DOCK4: variants seen among roughly 807,000 people sequenced by gnomAD.
The protein encoded by DOCK4 is dedicator of cytokinesis protein 4.
Under a neutral mutation model 268.1 loss-of-function variants are expected in DOCK4, and 97 were observed. The observed-to-expected ratio is 0.36, with a 90% CI of 0.31 to 0.43. The LOEUF (loss-of-function observed/expected upper bound fraction) is 0.43, where lower values mean the gene tolerates loss of function less well. Among genes scored for constraint, DOCK4 ranks in the 20% least tolerant of loss-of-function variants. The probability of loss-of-function intolerance (pLI) is 1.00; values close to 1 mark genes in which losing one functional copy is unlikely to be tolerated. For synonymous variants in DOCK4, 954 were observed against 887.2 expected, an observed-to-expected ratio of 1.08 and a Z score of -1.34; for missense variants, 2,145 against 2,455.7, an observed-to-expected ratio of 0.87 and a Z score of 2.67.
In DOCK4 at chr7:111,872,565, C is replaced by G; in HGVS notation, c.1745-1G>C. ...CATTTCAAAAGATCAAGCATATCAC[C>G]TTTCAAAATAGAAAAGGAAGATTAA... On this transcript the variant is annotated splice_acceptor_variant, in intron 17 of 52. Transcript: ENST00000428084. LOFTEE classifies it high-confidence loss of function. 1 of 1,583,622 alleles carries G rather than the reference C, an allele frequency of 6.3e-7. No individual in the cohort carries two copies. The highest frequency in any genetic ancestry group is 8.6e-7 in the Non-Finnish European group (1 of 1,164,372).
intron 1 of DOCK4, among the ~76,000 whole-genome samples, chr7:112,175,337 T>C (rs1818416521): frequency 6.6e-6 from 1 of 152,202 alleles, no homozygotes. Context: ...TCTCTACCAT[T>C]ATACATGTTT....
At chr7:112,096,111 T>A (rs536456633) in intron 1 of DOCK4, among the ~76,000 whole-genome samples, 2 of 152,046 alleles carry the variant, frequency 1.3e-5, no homozygotes, top group Admixed American at 6.6e-5. Flanking sequence ...AAATAAATAA[T>A]TAAATAGGGT....
At chr7:111,996,439 C>T (rs1253689956) in intron 4 of DOCK4, among the ~76,000 whole-genome samples, 1 of 152,172 alleles carries the variant, frequency 6.6e-6, no homozygotes, top group African/African-American at 2.4e-5. Flanking sequence ...TCCATTATTT[C>T]ATCCTAGTGG....
chr7:111,918,876 T>C (rs948171290), intron 12 of DOCK4, among the ~76,000 whole-genome samples: 1 of 152,186 alleles, frequency 6.6e-6, no homozygotes, highest in Non-Finnish European at 1.5e-5. Context: ...TAAGATCCTG[T>C]AATTTTTGCA....
intron 13 of DOCK4, among the ~76,000 whole-genome samples, chr7:111,908,710 G>A (rs559052638): frequency 5.1e-4 from 76 of 149,130 alleles, no homozygotes; most frequent in Non-Finnish European, 7.9e-4. Context: ...GCCCCCCACC[G>A]CCCCCAGGCC....
rs887212272 is a variant in DOCK4, at chr7:111,728,429, G to T, written c.5773C>A (p.Leu1925Ile). The T allele has an allele frequency of 6.3e-6, 10 of 1,586,364 alleles. No individual in the cohort carries two copies. Among genetic ancestry groups the T allele is most frequent in the Non-Finnish European group, 7.7e-6 (9 of 1,164,694 alleles). The change falls in exon 53 of 53, where the codon CTA becomes ATA. Residue 1925 changes from leucine (L) to isoleucine (I), a missense_variant. This residue lies in a region of DOCK4 where 547 missense variants were observed against 469.0 expected (regional missense o/e 1.17). Coordinates refer to ENST00000428084, the MANE Select transcript of DOCK4 (RefSeq NM_001363540.2). ...ACGGGGATGGAGAGGCTGTGAGGTA[G>T]CGGGACGGGGCGCCGCAGAGTCCGC... is the stretch of plus-strand genomic sequence containing the variant. Reference protein sequence around the residue: ...YERTLRRPVPLPHSLSIPVTS... With the variant: ...YERTLRRPVPIPHSLSIPVTS...
At chr7:112,070,632 A>G (rs1358012927) in intron 1 of DOCK4, among the ~76,000 whole-genome samples, 2 of 152,176 alleles carry the variant, frequency 1.3e-5, no homozygotes, top group East Asian at 3.8e-4. Context: ...TGAAAACTGT[A>G]TTTGAAGCCA....
intron 1 of DOCK4, among the ~76,000 whole-genome samples, chr7:112,158,929 C>G (rs771945080): frequency 6.6e-6 from 1 of 152,138 alleles, no homozygotes; most frequent in Non-Finnish European, 1.5e-5. Flanking sequence ...AGGTAAAGTT[C>G]AGCCCAGCTT....
chr7:111,875,311 G>A (rs1270544925), intron 17 of DOCK4, among the ~76,000 whole-genome samples: 1 of 152,170 alleles, frequency 6.6e-6, no homozygotes, highest in African/African-American at 2.4e-5. Context: ...TTAAAAAGTA[G>A]CAACTTCTAA....
rs111367946 is a variant in DOCK4, at chr7:112,116,540, G to A, written c.37+89562C>T. On this transcript the variant is annotated intron_variant, in intron 1 of 52. Transcript: ENST00000428084. Reference sequence around the variant, plus strand: ...ACAAAGAACATGTGTCACAAGTGGGGAAACCAGAAGAGAAAACCTAAGATT... The same window carrying A: ...ACAAAGAACATGTGTCACAAGTGGGAAAACCAGAAGAGAAAACCTAAGATT... Among the ~76,000 whole-genome samples, 580 of 152,268 alleles carry A rather than the reference G, an allele frequency of 3.8e-3. 6 individuals carry two copies. The highest frequency in any genetic ancestry group is 0.013 in the African/African-American group (559 of 41,548).
chr7:111,756,861 G>A (rs771549473), intron 41 of DOCK4, among the ~76,000 whole-genome samples: 2 of 152,136 alleles, frequency 1.3e-5, no homozygotes, highest in Non-Finnish European at 2.9e-5. Flanking sequence ...TGGTGACAGG[G>A]AGGTAAGCAG....
At chr7:111,745,509 C>T (rs772561450) in intron 44 of DOCK4, among the ~76,000 whole-genome samples, 8 of 151,374 alleles carry the variant, frequency 5.3e-5, no homozygotes, top group Non-Finnish European at 7.4e-5. Context: ...AGTGAAACCC[C>T]GTCTCTACTA....
intron 16 of DOCK4, among the ~76,000 whole-genome samples, chr7:111,887,335 T>A (rs1346983744): frequency 6.6e-6 from 1 of 152,192 alleles, no homozygotes; most frequent in Non-Finnish European, 1.5e-5. Context: ...AAAACATATC[T>A]GGCAGTTAAC....
At chr7:112,057,737 T>G (rs1163754289) in intron 1 of DOCK4, among the ~76,000 whole-genome samples, 1 of 151,868 alleles carries the variant, frequency 6.6e-6, no homozygotes, top group African/African-American at 2.4e-5. Context: ...ATCACATCAC[T>G]GCACTCCAAC....
At chr7:112,096,994 C>T (rs1373576652) in intron 1 of DOCK4, among the ~76,000 whole-genome samples, 3 of 152,078 alleles carry the variant, frequency 2.0e-5, no homozygotes, top group East Asian at 1.9e-4. Context: ...AAATGGAATG[C>T]GTATCAGATG....
rs1250676560 is a variant in DOCK4, at chr7:111,822,459, T to C, written c.2836-3A>G. The C allele has an allele frequency of 2.5e-6, 4 of 1,609,228 alleles. No individual in the cohort carries two copies. Among genetic ancestry groups the C allele is most frequent in the Non-Finnish European group, 3.4e-6 (4 of 1,177,336 alleles). On this transcript the variant is annotated splice_region_variant and splice_polypyrimidine_tract_variant and intron_variant, in intron 26 of 52. Coordinates refer to ENST00000428084, the MANE Select transcript of DOCK4 (RefSeq NM_001363540.2). The stretch of plus-strand genomic sequence containing the variant: ...GTAAATATCTGCAGCAGGAAATCCT[T>C]GGATAAGGAGAAAATAGATCATTTT...
chr7:111,739,281 A>G (rs1795727924), intron 48 of DOCK4, 38 bp from the exon 49 acceptor site: 2 of 1,598,374 alleles, frequency 1.3e-6, no homozygotes, highest in African/African-American at 1.3e-5. Context: ...TCAGCATGGT[A>G]GTGGTGCTGC....
intron 1 of DOCK4, among the ~76,000 whole-genome samples, chr7:112,148,575 C>T (rs1486143885): frequency 6.7e-5 from 10 of 149,270 alleles, no homozygotes; most frequent in Admixed American, 6.7e-5. Context: ...TTCACAAGTA[C>T]AATTTCACAT....
Position 111,741,778 on chromosome 7 carries a change from A to C in DOCK4, c.4798-117T>G. 3.0e-6 allele frequency: 4 copies of C among 1,346,072 alleles called. 1 individual carries two copies. In the South Asian group the frequency reaches 6.2e-5, roughly 21 times the overall value. 83.4% of individuals were successfully genotyped at this position (1,346,072 alleles called of 1,614,324 possible). ...ATTGCCATCAAGTCTTCACATAGGGAGCTATTAAAGCAAGTTCCAGTATTA... is the reference window on the plus strand; with the variant it reads ...ATTGCCATCAAGTCTTCACATAGGGCGCTATTAAAGCAAGTTCCAGTATTA... On this transcript the variant is annotated intron_variant, in intron 45 of 52. Coordinates refer to ENST00000428084, the MANE Select transcript of DOCK4 (RefSeq NM_001363540.2).
Sources: gnomAD v4.1 joint callset for allele counts (sites outside exome capture counted in the v4.1 genomes callset) on GRCh38, gnomAD v4.1.1 for gene constraint, gnomAD v4.1.1 regional missense constraint, MANE v1.5 for transcripts, NCBI Gene and HGNC (gene_info 2026-07-23, HGNC 2026-07-21) for gene names.